The following GPHN variants were observed in gnomAD, a reference collection of about 807,000 sequenced individuals.
GPHN encodes the protein gephyrin.
In GPHN, 17 loss-of-function variants were observed where a neutral mutation model predicts 95.5. That is an observed-to-expected ratio of 0.18 (90% CI 0.12 to 0.27). GPHN has a LOEUF of 0.27. GPHN is among the 10% of genes least tolerant of loss of function. The probability of loss-of-function intolerance (pLI) is 1.00; values close to 1 mark genes in which losing one functional copy is unlikely to be tolerated. For missense variants in GPHN, 660 were observed against 978.1 expected (o/e 0.67, Z 4.34); for synonymous variants, 320 against 322.5 (o/e 0.99, Z 0.08).
chr14:67,501,567 C>T, the GPHN span, among the ~76,000 whole-genome samples: 1 of 152,074 alleles, frequency 6.6e-6, no homozygotes, highest in Non-Finnish European at 1.5e-5. Context: ...GTTGGTAAGC[C>T]ATGGCCACAG....
At chr14:67,650,143 T>C in the GPHN span, 5 of 155,808 alleles carry the variant, frequency 3.2e-5, no homozygotes, top group Non-Finnish European at 7.1e-5. Flanking sequence ...TGTTGTTAGA[T>C]GTGGAACCTG....
chr14:67,251,214 C>A, the GPHN span, among the ~76,000 whole-genome samples: 1 of 152,122 alleles, frequency 6.6e-6, no homozygotes, highest in East Asian at 1.9e-4. Flanking sequence ...TTGATGAAAG[C>A]CATTTTCCAC....
At chr14:67,330,922 A>G in the GPHN span, among the ~76,000 whole-genome samples, 2 of 152,022 alleles carry the variant, frequency 1.3e-5, no homozygotes, top group Admixed American at 6.5e-5. Context: ...TTATGGCCCA[A>G]CATCTGTTCT....
intron 3 of GPHN, among the ~76,000 whole-genome samples, chr14:66,810,756 A>G (rs913675611): frequency 3.3e-5 from 5 of 152,148 alleles, no homozygotes; most frequent in African/African-American, 1.2e-4. Context: ...ACCCAAATTT[A>G]TATCAGATGC....
At chr14:67,566,712 G>A in the GPHN span, among the ~76,000 whole-genome samples, 1 of 149,006 alleles carries the variant, frequency 6.7e-6, no homozygotes, top group Non-Finnish European at 1.5e-5. Flanking sequence ...TCTTGCCACT[G>A]TACTCCAGCC....
chr14:67,403,888 C>CA, the GPHN span, among the ~76,000 whole-genome samples: 1 of 151,838 alleles, frequency 6.6e-6, no homozygotes, highest in Non-Finnish European at 1.5e-5. Flanking sequence ...GTCATTTCTA[C>CA]AAAAAAATAA....
chr14:67,079,956 G>C (rs1323813819), intron 11 of GPHN, among the ~76,000 whole-genome samples: 2 of 151,988 alleles, frequency 1.3e-5, no homozygotes, highest in African/African-American at 2.4e-5. Flanking sequence ...GGGGTTGTTG[G>C]ATCATATGAT....
intron 18 of GPHN, among the ~76,000 whole-genome samples, chr14:67,157,850 AAGAG>A (rs946224473): frequency 1.3e-5 from 2 of 149,742 alleles, no homozygotes; most frequent in Non-Finnish European, 3.0e-5. Context: ...GAAAGAGAAA[AAGAG>A]AGAGAGAGTG....
chr14:67,446,694 T>A, the GPHN span, among the ~76,000 whole-genome samples: 1 of 152,024 alleles, frequency 6.6e-6, no homozygotes. Flanking sequence ...AGAGCCACTA[T>A]GCTGGGTGAC....
intron 1 of GPHN, among the ~76,000 whole-genome samples, chr14:66,643,410 T>C (rs543651456): frequency 6.6e-6 from 1 of 152,204 alleles, no homozygotes; most frequent in South Asian, 2.1e-4. Context: ...AAAGTTTGCT[T>C]AAGTTTACCA....
chr14:67,431,673 C>T, the GPHN span, among the ~76,000 whole-genome samples: 2 of 152,104 alleles, frequency 1.3e-5, no homozygotes, highest in African/African-American at 4.8e-5. Context: ...GCTGGGGTGA[C>T]AGAGTGAGAC....
intron 14 of GPHN, 116 bp from the exon 15 acceptor site, chr14:67,111,745 C>T (rs1595185865): frequency 3.8e-6 from 3 of 798,222 alleles, no homozygotes; most frequent in East Asian, 2.5e-5. Flanking sequence ...AAATAGTTTT[C>T]TTTTTGTCTA....
the GPHN span, among the ~76,000 whole-genome samples, chr14:67,257,774 G>C: frequency 1.3e-5 from 2 of 152,186 alleles, no homozygotes; most frequent in Admixed American, 1.3e-4. Context: ...AACTCAGGTA[G>C]AGGAGGTGAG....
the GPHN span, chr14:67,599,975 A>C: frequency 6.7e-7 from 1 of 1,493,536 alleles, no homozygotes; most frequent in South Asian, 1.3e-5. Flanking sequence ...GACCCTCCCA[A>C]AGCCGAACCC....
At chr14:67,572,319 C>A in the GPHN span, 2 of 1,523,712 alleles carry the variant, frequency 1.3e-6, no homozygotes, top group Admixed American at 2.0e-5. Flanking sequence ...AAGCAGAATG[C>A]AGCAGAGGCT....
At position 67,181,613 on chromosome 14, in the gene GPHN, T is replaced by C; in HGVS notation, c.*676T>C. On this transcript the variant is annotated 3_prime_UTR_variant, in exon 23 of 23. Coordinates refer to ENST00000478722, the MANE Select transcript of GPHN (RefSeq NM_020806.5). ...AAGTGCTGACAGCCTTTTTAACCAA[T>C]ACATTTAAAATTGTACAGAACAAAA... The C allele has an allele frequency of 2.5e-6, 1 of 392,326 alleles. No homozygotes were observed. The highest frequency in any genetic ancestry group is 4.9e-6 in the Non-Finnish European group (1 of 202,100). The allele number at this position is 392,326 out of a possible 1,614,324, so 24.3% of individuals were successfully genotyped here.
chr14:67,619,413 C>T, the GPHN span, among the ~76,000 whole-genome samples: 3 of 152,212 alleles, frequency 2.0e-5, no homozygotes, highest in Non-Finnish European at 2.9e-5. Flanking sequence ...ATTATATCTC[C>T]GAATCCAAAT....
intron 3 of GPHN, among the ~76,000 whole-genome samples, chr14:66,813,154 G>A (rs950669047): frequency 4.6e-5 from 7 of 152,064 alleles, no homozygotes; most frequent in Non-Finnish European, 7.4e-5. Context: ...TTAATTTTTT[G>A]TGTATGTTTT....
chr14:67,524,767 A>G, the GPHN span, among the ~76,000 whole-genome samples: 26 of 152,308 alleles, frequency 1.7e-4, no homozygotes, highest in Non-Finnish European at 3.1e-4. Flanking sequence ...TTGTGGTCAC[A>G]GTGTAATTGC....
Sources: gnomAD v4.1 joint callset for allele counts (sites outside exome capture counted in the v4.1 genomes callset) on GRCh38, gnomAD v4.1.1 for gene constraint, MANE v1.5 for transcripts, NCBI Gene and HGNC (gene_info 2026-07-23, HGNC 2026-07-21) for gene names.